The following TEX36 variants were observed in gnomAD, a reference collection of about 807,000 sequenced individuals.
TEX36 encodes testis-expressed protein 36.
Under a neutral mutation model 13.6 loss-of-function variants are expected in TEX36, and 12 were observed. The observed-to-expected ratio is 0.88, with a 90% CI of 0.56 to 1.43. TEX36 has a LOEUF of 1.43. Among genes scored for constraint, TEX36 ranks in the 40% most tolerant of loss-of-function variants. TEX36 has a pLI of 0.00. For synonymous variants in TEX36, 93 were observed against 83.0 expected (o/e 1.12, Z -0.65); for missense variants, 224 against 228.3 (o/e 0.98, Z 0.12).
chr10:125,673,728 AAAAAAG>A (rs1217561456), intron 1 of TEX36, among the ~76,000 whole-genome samples: 26 of 151,662 alleles, frequency 1.7e-4, no homozygotes, highest in African/African-American at 6.3e-4. Context: ...AAAAAAAAAA[AAAAAAG>A]GTTGAATATT....
At chr10:125,636,741 T>C (rs1846628507) in intron 3 of TEX36, among the ~76,000 whole-genome samples, 7 of 152,144 alleles carry the variant, frequency 4.6e-5, no homozygotes. Flanking sequence ...TCTCTCACTC[T>C]CAGTTCCCTG....
chr10:125,678,799 T>C (rs1847349526), intron 1 of TEX36, among the ~76,000 whole-genome samples: 1 of 151,946 alleles, frequency 6.6e-6, no homozygotes, highest in Non-Finnish European at 1.5e-5. Context: ...GGTAGATGGG[T>C]TGGGCAAGCT....
intron 3 of TEX36, among the ~76,000 whole-genome samples, chr10:125,659,313 A>G (rs1329982143): frequency 6.6e-6 from 1 of 152,230 alleles, no homozygotes; most frequent in Non-Finnish European, 1.5e-5. Context: ...CAAGTGGTAG[A>G]ATCCTGTTTA....
At chr10:125,621,312 C>A (rs888813915), downstream of TEX36, among the ~76,000 whole-genome samples, 11 of 152,118 alleles carry the variant, frequency 7.2e-5, no homozygotes, top group South Asian at 2.1e-3. Flanking sequence ...TTCCCACCAG[C>A]AGAGCACAGG....
At chr10:125,593,942 A>G (rs1428457579) in intron 3 of TEX36, among the ~76,000 whole-genome samples, 1 of 152,246 alleles carries the variant, frequency 6.6e-6, no homozygotes. Context: ...TTTAAAAGAG[A>G]AAAGAACAGA....
downstream of TEX36, among the ~76,000 whole-genome samples, chr10:125,620,919 A>G (rs2133559725): frequency 6.6e-6 from 1 of 152,290 alleles, no homozygotes; most frequent in East Asian, 1.9e-4. Context: ...TTAATATAAT[A>G]TCCTCAAGAT....
chr10:125,584,314 G>T (rs1269724903), intron 3 of TEX36, among the ~76,000 whole-genome samples: 1 of 152,200 alleles, frequency 6.6e-6, no homozygotes, highest in Non-Finnish European at 1.5e-5. Context: ...ACTAAGTTTT[G>T]GGGTGGCTTG....
chr10:125,625,542 T>C (rs1271942507), intron 3 of TEX36, among the ~76,000 whole-genome samples: 4 of 152,214 alleles, frequency 2.6e-5, no homozygotes, highest in African/African-American at 9.6e-5. Flanking sequence ...CTCAGTGACA[T>C]GTTCTCTTTC....
At chr10:125,584,393 T>C (rs1391403400) in intron 3 of TEX36, among the ~76,000 whole-genome samples, 1 of 152,236 alleles carries the variant, frequency 6.6e-6, no homozygotes, top group African/African-American at 2.4e-5. Context: ...AATAAGAGTA[T>C]AAAAATAATC....
At chr10:125,601,041 C>A (rs1176347334) in intron 3 of TEX36, among the ~76,000 whole-genome samples, 1 of 152,176 alleles carries the variant, frequency 6.6e-6, no homozygotes, top group Non-Finnish European at 1.5e-5. Flanking sequence ...AGTTGGCATG[C>A]ATAAGTGTTG....
rs142172216 is a variant in TEX36, at chr10:125,629,021, A to G, written c.265-7376T>C. 2.2e-3 allele frequency among the ~76,000 whole-genome samples: 332 copies of G among 152,328 alleles called. 3 individuals are homozygous for G. Among genetic ancestry groups the G allele is most frequent in the African/African-American group, 7.4e-3 (309 of 41,578 alleles). ...GAGAAAGCTGAGGTTAAGAAAAGCT[A>G]TTTCATTGCCCAGTCATATGACTTA... On this transcript the variant is annotated intron_variant, in intron 3 of 3. Coordinates refer to the TEX36 transcript ENST00000526819.
intron 1 of TEX36, among the ~76,000 whole-genome samples, chr10:125,676,836 T>G (rs936716743): frequency 6.6e-6 from 1 of 152,208 alleles, no homozygotes; most frequent in Non-Finnish European, 1.5e-5. Context: ...ATGGTAAATA[T>G]TGTCCTTTCA....
downstream of TEX36, among the ~76,000 whole-genome samples, chr10:125,619,644 G>A (rs1016282848): frequency 4.0e-5 from 6 of 151,738 alleles, no homozygotes; most frequent in Non-Finnish European, 8.8e-5. Context: ...TCCGCCTCCC[G>A]GGTCCAGGTT....
intron 3 of TEX36, among the ~76,000 whole-genome samples, chr10:125,636,056 G>A (rs1171239345): frequency 6.6e-6 from 1 of 151,682 alleles, no homozygotes; most frequent in East Asian, 2.0e-4. Context: ...AAAATGTATT[G>A]TAGAGATGAG....
intron 3 of TEX36, among the ~76,000 whole-genome samples, chr10:125,584,071 C>T (rs755685885): frequency 1.3e-5 from 2 of 152,320 alleles, no homozygotes; most frequent in Non-Finnish European, 2.9e-5. Flanking sequence ...GCTGCTGCCA[C>T]TATGCAAAAA....
At chr10:125,576,578 A>G in exon 4 of TEX36, 1 of 914,690 alleles carries the variant, frequency 1.1e-6, no homozygotes, top group Non-Finnish European at 1.6e-6. Context: ...GGCAAGCAGA[A>G]TAAGAGGATT....
chr10:125,603,453 T>C (rs1048253429), intron 3 of TEX36, among the ~76,000 whole-genome samples: 4 of 152,014 alleles, frequency 2.6e-5, no homozygotes, highest in Admixed American at 1.3e-4. Flanking sequence ...CACTGGTCCT[T>C]GCCCCCGCCA....
In TEX36 at chr10:125,682,935, T is replaced by G. The variant is rs1297900936; in HGVS notation, c.51+4A>C. The stretch of plus-strand genomic sequence containing the variant: ...AAGGCACCAGGGGCCACCATCTTCC[T>G]TACCCATCTCCCATCCTTGTCTGAA... On this transcript the variant is annotated splice_donor_region_variant and intron_variant, in intron 1 of 3. Coordinates refer to ENST00000368821, the MANE Select transcript of TEX36 (RefSeq NM_001128202.3). 6.4e-7 allele frequency: 1 copy of G among 1,551,612 alleles called. No homozygotes were observed. The highest frequency in any genetic ancestry group is 1.4e-5 in the African/African-American group (1 of 73,060).
intron 1 of TEX36, among the ~76,000 whole-genome samples, chr10:125,671,723 T>A (rs1243152119): frequency 6.6e-6 from 1 of 152,246 alleles, no homozygotes; most frequent in Non-Finnish European, 1.5e-5. Flanking sequence ...CTCTTTTTTG[T>A]ACCTCTGGTA....
Sources: allele counts gnomAD v4.1 joint callset (sites outside exome capture counted in the v4.1 genomes callset), GRCh38; gene constraint gnomAD v4.1.1; transcripts MANE v1.5; gene names NCBI Gene and HGNC (gene_info 2026-07-23, HGNC 2026-07-21).